The following ERCC6 variants were observed in gnomAD, a reference collection of about 807,000 sequenced individuals.
ERCC6 encodes DNA excision repair protein ERCC-6.
ERCC6 carries 116 observed loss-of-function variants against 158.7 expected under a neutral mutation model. That is an observed-to-expected ratio of 0.73 (90% CI 0.63 to 0.85). The LOEUF (loss-of-function observed/expected upper bound fraction) is 0.85. Among genes scored for constraint, ERCC6 ranks in the 40% least tolerant of loss-of-function variants. The pLI is 0.00. For synonymous variants in ERCC6, 678 were observed against 659.3 expected (o/e 1.03, Z -0.43); for missense variants, 1,698 against 1,799.4 (o/e 0.94, Z 1.02).
rs142641602 is a variant in ERCC6 at position 49,474,234 on chromosome 10, G to A, written c.2391C>T (p.Ser797=). ...RILNGEMQIF[S]GLIALRKICN... is the part of the protein sequence containing the mutation. ...AAATTTTTCTTAGGGCTATAAGTCC[G>A]GAGAAAATCTGTGGTAAGAAAGAGT... is the stretch of plus-strand genomic sequence containing the variant. The change falls in exon 13 of 21, where the codon TCC becomes TCT. Residue 797 remains serine (S), a synonymous_variant. Coordinates refer to ENST00000355832, the MANE Select transcript of ERCC6 (RefSeq NM_000124.4). The A allele has an allele frequency of 2.5e-4, 411 of 1,613,498 alleles. 1 individual carries two copies. The highest frequency in any genetic ancestry group is 1.2e-3 in the Middle Eastern group (7 of 6,084).
rs79324668 is a variant in ERCC6 at position 49,468,701 on chromosome 10, A to C, written c.3778+1481T>G. ...ATTTCCTGATACTATTGGCTACGAA[A>C]GCAATGACATAATAGCAGCAATGAA... On this transcript the variant is annotated intron_variant, in intron 18 of 20. Transcript: ENST00000355832. 7.6e-3 allele frequency among the ~76,000 whole-genome samples: 1,165 copies of C among 152,340 alleles called. 13 individuals carry two copies. Among genetic ancestry groups the C allele is most frequent in the African/African-American group, 0.026 (1,067 of 41,576 alleles).
At chr10:49,532,418 C>A (rs1429161414) in intron 2 of ERCC6, 125 bp downstream of exon 2, 1 of 1,472,104 alleles carries the variant, frequency 6.8e-7, no homozygotes, top group East Asian at 2.4e-5. Context: ...CTTATTGACT[C>A]TGTCCTCCAA....
intron 16 of ERCC6, 152 bp from the exon 17 acceptor site, chr10:49,471,272 A>G (rs1441164846): frequency 6.8e-6 from 5 of 734,214 alleles, no homozygotes; most frequent in Non-Finnish European, 1.1e-5. Context: ...ATTACAATTC[A>G]GGAAATATAT....
chr10:49,494,628 A>G (rs1851234094), intron 7 of ERCC6, among the ~76,000 whole-genome samples: 1 of 152,184 alleles, frequency 6.6e-6, no homozygotes, highest in African/African-American at 2.4e-5. Context: ...CAGAAGCAGG[A>G]ATCCTGGCTC....
downstream of ERCC6, among the ~76,000 whole-genome samples, chr10:49,451,220 T>C (rs1003132016): frequency 6.9e-6 from 1 of 144,232 alleles, no homozygotes; most frequent in African/African-American, 2.5e-5. Flanking sequence ...ATCTTCTACA[T>C]ACAAGATCAT....
At chr10:49,486,483 A>G (rs1012503913) in intron 8 of ERCC6, among the ~76,000 whole-genome samples, 1 of 152,246 alleles carries the variant, frequency 6.6e-6, no homozygotes, top group African/African-American at 2.4e-5. Context: ...AAGCAAAATA[A>G]TAATAACTCT....
At chr10:49,525,607 C>G (rs776119091) in intron 4 of ERCC6, among the ~76,000 whole-genome samples, 2 of 152,118 alleles carry the variant, frequency 1.3e-5, no homozygotes, top group Non-Finnish European at 1.5e-5. Context: ...GGAAGGAATC[C>G]ATATTCTAAA....
downstream of ERCC6, among the ~76,000 whole-genome samples, chr10:49,451,589 G>C (rs1850421060): frequency 6.6e-6 from 1 of 152,088 alleles, no homozygotes; most frequent in South Asian, 2.1e-4. Flanking sequence ...CACATGTTAA[G>C]CCAATCTTAT....
chr10:49,486,760 G>A lies in ERCC6; in HGVS notation c.1822-3244C>T, dbSNP rs572967523. Among the ~76,000 whole-genome samples the A allele has an allele frequency of 3.2e-4, 48 of 152,324 alleles. No homozygotes were observed. The South Asian group carries it at 5.4e-3, about 17-fold the overall frequency. ...AGATGTTATACTCTTCTCACCAAAA[G>A]TCTACCAGACCCAAAGGGGTTTTAT... On this transcript the variant is annotated intron_variant, in intron 8 of 20. Transcript: ENST00000355832.
At chr10:49,478,906 G>T (rs1055036129) in intron 10 of ERCC6, among the ~76,000 whole-genome samples, 1 of 152,166 alleles carries the variant, frequency 6.6e-6, no homozygotes, top group Admixed American at 6.5e-5. Context: ...CTGCAAAGCT[G>T]AAGATCAAAA....
chr10:49,518,513 G>A (rs866732291), intron 5 of ERCC6, among the ~76,000 whole-genome samples: 4 of 152,164 alleles, frequency 2.6e-5, no homozygotes, highest in Non-Finnish European at 4.4e-5. Context: ...CCACTAAGTC[G>A]TACGCATTCA....
At chr10:49,444,210 A>G in the ERCC6 span, among the ~76,000 whole-genome samples, 1 of 152,212 alleles carries the variant, frequency 6.6e-6, no homozygotes, top group Non-Finnish European at 1.5e-5. Flanking sequence ...AGGCCTTGCC[A>G]TGCCCTCAGG....
intron 18 of ERCC6, among the ~76,000 whole-genome samples, chr10:49,462,765 CTT>C (rs1850605414): frequency 6.6e-6 from 1 of 152,122 alleles, no homozygotes; most frequent in Admixed American, 6.5e-5. Flanking sequence ...GAAATTAAAA[CTT>C]AAGATATCCT....
At chr10:49,534,770 A>G (rs543286428) in intron 1 of ERCC6, among the ~76,000 whole-genome samples, 9 of 152,366 alleles carry the variant, frequency 5.9e-5, no homozygotes, top group African/African-American at 1.9e-4. Context: ...TTAACTGTGA[A>G]TAAGATTTCT....
At chr10:49,484,695 T>A (rs912721950) in intron 8 of ERCC6, among the ~76,000 whole-genome samples, 5 of 152,114 alleles carry the variant, frequency 3.3e-5, no homozygotes, top group Admixed American at 6.5e-5. Flanking sequence ...AGCTATAATC[T>A]CACCACTGCA....
intron 14 of ERCC6, 119 bp downstream of exon 14, chr10:49,473,358 G>T: frequency 1.2e-6 from 1 of 818,090 alleles, no homozygotes; most frequent in Non-Finnish European, 2.2e-6. Flanking sequence ...CTCCCCTTAG[G>T]CCCCCTCCCA....
intron 18 of ERCC6, among the ~76,000 whole-genome samples, chr10:49,468,347 T>C (rs1850713038): frequency 1.3e-5 from 2 of 152,298 alleles, no homozygotes; most frequent in South Asian, 4.1e-4. Context: ...TGGACTCCCA[T>C]CTGGGTTCTC....
chr10:49,443,369 A>T, the ERCC6 span, among the ~76,000 whole-genome samples: 1 of 152,388 alleles, frequency 6.6e-6, no homozygotes, highest in Middle Eastern at 3.4e-3. Flanking sequence ...ATATACAATC[A>T]TACACCACAT....
intron 13 of ERCC6, 105 bp downstream of exon 13, chr10:49,473,922 G>T: frequency 9.6e-7 from 1 of 1,044,134 alleles, no homozygotes; most frequent in Non-Finnish European, 1.5e-6. Flanking sequence ...CAGCATCAGT[G>T]GTAGACTTGC....
Sources: gnomAD v4.1 joint callset for allele counts (sites outside exome capture counted in the v4.1 genomes callset) on GRCh38, gnomAD v4.1.1 for gene constraint, MANE v1.5 for transcripts, NCBI Gene and HGNC (gene_info 2026-07-23, HGNC 2026-07-21) for gene names.